The following SNTG2 variants were observed in gnomAD, a reference collection of about 807,000 sequenced individuals.
SNTG2 encodes the protein syntrophin gamma 2.
A neutral mutation model predicts 70.9 loss-of-function variants in SNTG2; 74 were observed. The observed-to-expected ratio is 1.04, with a 90% CI of 0.86 to 1.27. The LOEUF is 1.27. Ranked by LOEUF, SNTG2 falls within the 50% of genes most tolerant of loss-of-function variation. The pLI, the probability that SNTG2 is intolerant of heterozygous loss-of-function variation, is 0.00. For synonymous variants in SNTG2, 278 were observed against 273.8 expected, an observed-to-expected ratio of 1.02 and a Z score of -0.15; for missense variants, 717 against 690.7, an observed-to-expected ratio of 1.04 and a Z score of -0.43.
intron 2 of SNTG2, among the ~76,000 whole-genome samples, chr2:1,084,880 C>T (rs1664578724): frequency 6.6e-6 from 1 of 152,182 alleles, no homozygotes; most frequent in Non-Finnish European, 1.5e-5. Flanking sequence ...TGTGAGGGCA[C>T]CTGACCCCAT....
intron 1 of SNTG2, among the ~76,000 whole-genome samples, chr2:1,057,034 G>C (rs541504919): frequency 2.6e-5 from 4 of 151,886 alleles, no homozygotes; most frequent in Admixed American, 2.0e-4. Flanking sequence ...TGCGGGGAAC[G>C]ATGCATGCCG....
chr2:1,216,573 G>C (rs1387373500), intron 9 of SNTG2, among the ~76,000 whole-genome samples: 1 of 152,134 alleles, frequency 6.6e-6, no homozygotes, highest in Non-Finnish European at 1.5e-5. Flanking sequence ...GATCCCATTA[G>C]TTTAATTAGA....
intron 12 of SNTG2, among the ~76,000 whole-genome samples, chr2:1,255,893 TAA>T (rs1455262670): frequency 1.5e-5 from 1 of 67,216 alleles, no homozygotes; most frequent in Admixed American, 1.5e-4. Context: ...TAAATATATA[TAA>T]ATATATATAT....
intron 2 of SNTG2, 126 bp downstream of exon 2, chr2:1,083,781 ACTACTGG>A (rs1664503954): frequency 9.6e-7 from 1 of 1,040,012 alleles, no homozygotes; most frequent in African/African-American, 1.6e-5. Flanking sequence ...AATATCCCCA[ACTACTGG>A]CTTTCACTGT....
intron 1 of SNTG2, among the ~76,000 whole-genome samples, chr2:1,007,837 G>A (rs193239662): frequency 1.1e-4 from 17 of 152,112 alleles, no homozygotes; most frequent in African/African-American, 3.9e-4. Flanking sequence ...GCAGTGGTGC[G>A]ATCTCGGCTC....
chr2:1,062,378 G>A (rs556797355), intron 1 of SNTG2, among the ~76,000 whole-genome samples: 59 of 152,300 alleles, frequency 3.9e-4, no homozygotes, highest in African/African-American at 1.4e-3. Flanking sequence ...TGGGAGCAGA[G>A]GAATGAAGTG....
chr2:993,859 G>A (rs936645923), intron 1 of SNTG2, among the ~76,000 whole-genome samples: 1 of 151,672 alleles, frequency 6.6e-6, no homozygotes, highest in African/African-American at 2.4e-5. Context: ...TATCTTTTTC[G>A]GTTGTGAGTG....
chr2:1,183,276 G>T (rs980933705), intron 8 of SNTG2, among the ~76,000 whole-genome samples: 1 of 152,158 alleles, frequency 6.6e-6, no homozygotes, highest in Non-Finnish European at 1.5e-5. Flanking sequence ...GGAGTTTTCT[G>T]ATTGGGGCCT....
At chr2:956,633 A>T (rs1660171012) in intron 1 of SNTG2, among the ~76,000 whole-genome samples, 1 of 152,170 alleles carries the variant, frequency 6.6e-6, no homozygotes, top group African/African-American at 2.4e-5. Context: ...GGCGTCTAGG[A>T]GGGAAGTGGC....
intron 1 of SNTG2, among the ~76,000 whole-genome samples, chr2:1,025,744 A>G (rs1660446751): frequency 6.6e-6 from 1 of 152,164 alleles, no homozygotes; most frequent in African/African-American, 2.4e-5. Context: ...CCTCTGGGTC[A>G]TCCGGGATGA....
chr2:1,215,874 G>T (rs1179676101), intron 9 of SNTG2, among the ~76,000 whole-genome samples: 1 of 152,076 alleles, frequency 6.6e-6, no homozygotes, highest in Non-Finnish European at 1.5e-5. Flanking sequence ...TCCCTACAAA[G>T]GACATGAACT....
At chr2:1,069,727 G>A (rs997722313) in intron 1 of SNTG2, among the ~76,000 whole-genome samples, 2 of 152,090 alleles carry the variant, frequency 1.3e-5, no homozygotes, top group Non-Finnish European at 1.5e-5. Flanking sequence ...GGAGGCAGAG[G>A]TTGCAGTGAG....
At chr2:984,258 GC>G (rs1460984387) in intron 1 of SNTG2, among the ~76,000 whole-genome samples, 1 of 120,830 alleles carries the variant, frequency 8.3e-6, no homozygotes, top group African/African-American at 3.1e-5. Flanking sequence ...AAGAAACAAA[GC>G]TTTTTTTTTT....
intron 1 of SNTG2, among the ~76,000 whole-genome samples, chr2:1,025,532 G>A (rs1385822297): frequency 1.3e-5 from 2 of 152,192 alleles, no homozygotes; most frequent in Non-Finnish European, 2.9e-5. Context: ...GTATCGGCAG[G>A]ACTGCGTTCT....
chr2:1,306,670 C>G (rs986154346), intron 14 of SNTG2, among the ~76,000 whole-genome samples: 1 of 130,354 alleles, frequency 7.7e-6, no homozygotes, highest in South Asian at 2.8e-4. Flanking sequence ...TCCAGCCTCC[C>G]TCGGCCAGGG....
At chr2:1,364,961 A>G (rs990465724) in intron 16 of SNTG2, among the ~76,000 whole-genome samples, 3 of 152,126 alleles carry the variant, frequency 2.0e-5, no homozygotes, top group Non-Finnish European at 4.4e-5. Flanking sequence ...TATGGTCATT[A>G]TGGCTCTTTT....
At position 1,247,444 on chromosome 2, in the gene SNTG2, G is replaced by A. The variant is rs1401527724; in HGVS notation, c.1005+1G>A. 1 of 1,605,346 alleles carries A rather than the reference G, an allele frequency of 6.2e-7. No homozygotes were observed. On this transcript the variant is annotated splice_donor_variant, in intron 12 of 16. Coordinates refer to ENST00000308624, the MANE Select transcript of SNTG2 (RefSeq NM_018968.4). LOFTEE classifies it high-confidence loss of function. ...CTTCTACGTTTTCAGCACTCCTCCG[G>A]TAAGGATGCTTTTGACACTCCACAG... is the stretch of plus-strand genomic sequence containing the variant.
intron 1 of SNTG2, among the ~76,000 whole-genome samples, chr2:957,174 G>A (rs1660192578): frequency 6.6e-6 from 1 of 152,190 alleles, no homozygotes; most frequent in African/African-American, 2.4e-5. Context: ...TGCCAACTTG[G>A]TCATAGTTAG....
At chr2:1,194,628 A>G (rs1672794230) in intron 8 of SNTG2, among the ~76,000 whole-genome samples, 1 of 152,158 alleles carries the variant, frequency 6.6e-6, no homozygotes, top group Admixed American at 6.5e-5. Context: ...TGTGCTGATT[A>G]TACTCTAAAA....
Sources: gnomAD v4.1 joint callset for allele counts (sites outside exome capture counted in the v4.1 genomes callset) on GRCh38, gnomAD v4.1.1 for gene constraint, MANE v1.5 for transcripts, NCBI Gene and HGNC (gene_info 2026-07-23, HGNC 2026-07-21) for gene names.